SGCZ: variants seen among roughly 807,000 people sequenced by gnomAD.
SGCZ encodes the protein sarcoglycan zeta.
A neutral mutation model predicts 41.3 loss-of-function variants in SGCZ; 40 were observed. The ratio of observed to expected loss-of-function variants is 0.97; its 90% CI spans 0.75 to 1.26. SGCZ has a LOEUF of 1.26. SGCZ is among the 50% of genes most tolerant of loss of function. The pLI is 0.00. For synonymous variants in SGCZ, 206 were observed against 137.5 expected (o/e 1.50, Z -3.49); for missense variants, 552 against 369.8 (o/e 1.49, Z -4.04).
At chr8:14,619,599 G>T (rs548861375) in intron 1 of SGCZ, among the ~76,000 whole-genome samples, 82 of 152,150 alleles carry the variant, frequency 5.4e-4, no homozygotes, top group African/African-American at 1.9e-3. Context: ...AAAGTCTCAG[G>T]ATACAAAATC....
At chr8:15,179,195 A>AATAATTTATTAT (rs1387128557) in intron 1 of SGCZ, among the ~76,000 whole-genome samples, 13 of 152,226 alleles carry the variant, frequency 8.5e-5, no homozygotes, top group Non-Finnish European at 1.5e-5. Context: ...ATTCTTATTA[A>AATAATTTATTAT]TTGATGAAGA....
At chr8:14,899,867 A>AGAAGAAGAAGAAGAAGAAGAG (rs754251454) in intron 1 of SGCZ, among the ~76,000 whole-genome samples, 220 of 151,796 alleles carry the variant, frequency 1.4e-3, no homozygotes, top group African/African-American at 5.1e-3. Context: ...AAGAAGAAGA[A>AGAAGAAGAAGAAGAAGAAGAG]GAGGAGGAGG....
intron 1 of SGCZ, among the ~76,000 whole-genome samples, chr8:14,599,751 T>C (rs1279363950): frequency 1.3e-5 from 2 of 152,208 alleles, no homozygotes; most frequent in Non-Finnish European, 2.9e-5. Context: ...TTACTAAAGC[T>C]CTGACATTAG....
chr8:14,172,016 G>A (rs1804398053), intron 4 of SGCZ, among the ~76,000 whole-genome samples: 1 of 152,122 alleles, frequency 6.6e-6, no homozygotes, highest in Admixed American at 6.6e-5. Flanking sequence ...TATATGGAAT[G>A]CTTAGAATTG....
At chr8:15,098,955 G>A (rs1220659445) in intron 1 of SGCZ, among the ~76,000 whole-genome samples, 3 of 152,298 alleles carry the variant, frequency 2.0e-5, no homozygotes, top group East Asian at 1.9e-4. Context: ...CTACTCCGGA[G>A]GCTAAGGCAG....
chr8:14,999,001 A>G (rs1279727761), intron 1 of SGCZ, among the ~76,000 whole-genome samples: 1 of 152,224 alleles, frequency 6.6e-6, no homozygotes, highest in Non-Finnish European at 1.5e-5. Context: ...TGGATTTAAT[A>G]TCTAGTGAAT....
intron 1 of SGCZ, among the ~76,000 whole-genome samples, chr8:14,659,860 G>A (rs1196426278): frequency 1.3e-5 from 2 of 152,150 alleles, no homozygotes; most frequent in African/African-American, 4.8e-5. Context: ...AGATCATACA[G>A]GAGTACCTAT....
chr8:14,843,287 T>G (rs183010519), intron 1 of SGCZ, among the ~76,000 whole-genome samples: 1 of 151,740 alleles, frequency 6.6e-6, no homozygotes, highest in Non-Finnish European at 1.5e-5. Context: ...AGTTAAGTCT[T>G]TTTTTTTAAT....
chr8:14,624,094 A>G (rs2117377867), intron 1 of SGCZ, among the ~76,000 whole-genome samples: 1 of 152,292 alleles, frequency 6.6e-6, no homozygotes, highest in African/African-American at 2.4e-5. Context: ...ATGTGCCGCA[A>G]TACTATTTGC....
At chr8:14,298,381 T>A in intron 3 of SGCZ, among the ~76,000 whole-genome samples, 1 of 151,920 alleles carries the variant, frequency 6.6e-6, no homozygotes, top group East Asian at 1.9e-4. Flanking sequence ...ATAAAATACA[T>A]AATACTAAGA....
intron 1 of SGCZ, among the ~76,000 whole-genome samples, chr8:14,689,838 T>C (rs1026919514): frequency 5.3e-5 from 8 of 152,162 alleles, no homozygotes; most frequent in East Asian, 1.9e-4. Flanking sequence ...CTTTGTTAGA[T>C]TGAGCAAAGT....
At chr8:14,964,012 T>C (rs1801051606) in intron 1 of SGCZ, among the ~76,000 whole-genome samples, 1 of 152,186 alleles carries the variant, frequency 6.6e-6, no homozygotes, top group African/African-American at 2.4e-5. Context: ...AAAACCCTTC[T>C]CCTTTAAATC....
At position 14,087,974 on chromosome 8, in the gene SGCZ, A is replaced by G. The variant is rs990917248; in HGVS notation, c.*2469T>C. ...TACAGTCTAAAGCTCTCAAGCTTGT[A>G]AGTTACTTTTGAATTATGTCTATAC... is the stretch of plus-strand genomic sequence containing the variant. On this transcript the variant is annotated 3_prime_UTR_variant, in exon 8 of 8. Coordinates refer to ENST00000382080, the MANE Select transcript of SGCZ (RefSeq NM_139167.4). 3.3e-5 allele frequency among the ~76,000 whole-genome samples: 5 copies of G among 151,820 alleles called. No homozygotes were observed. The highest frequency in any genetic ancestry group is 9.7e-5 in the African/African-American group (4 of 41,394).
At chr8:15,192,505 T>C (rs375421993) in intron 1 of SGCZ, among the ~76,000 whole-genome samples, 1 of 152,136 alleles carries the variant, frequency 6.6e-6, no homozygotes, top group East Asian at 1.9e-4. Flanking sequence ...TGAGCATCAG[T>C]TGAAAATACT....
intron 2 of SGCZ, among the ~76,000 whole-genome samples, chr8:14,358,366 A>T (rs1349872358): frequency 6.6e-6 from 1 of 152,164 alleles, no homozygotes; most frequent in African/African-American, 2.4e-5. Flanking sequence ...GATACAACCT[A>T]TGTCATCATT....
At chr8:15,126,941 G>T (rs564154790) in intron 1 of SGCZ, among the ~76,000 whole-genome samples, 2 of 152,128 alleles carry the variant, frequency 1.3e-5, no homozygotes, top group African/African-American at 4.8e-5. Flanking sequence ...CTGTGCTCAT[G>T]GTCTAAAGAG....
At chr8:14,492,620 C>T (rs1171480822) in intron 2 of SGCZ, among the ~76,000 whole-genome samples, 1 of 152,152 alleles carries the variant, frequency 6.6e-6, no homozygotes, top group Admixed American at 6.5e-5. Flanking sequence ...TCAAATTTCT[C>T]ACTAACTTTT....
At chr8:14,860,617 C>T (rs557378561) in intron 1 of SGCZ, among the ~76,000 whole-genome samples, 2 of 127,760 alleles carry the variant, frequency 1.6e-5, no homozygotes, top group South Asian at 5.2e-4. Context: ...AAAGACAAGA[C>T]AGAGAAAAAG....
chr8:14,997,604 T>C (rs1419252332), intron 1 of SGCZ, among the ~76,000 whole-genome samples: 2 of 152,228 alleles, frequency 1.3e-5, no homozygotes, highest in African/African-American at 4.8e-5. Context: ...GAACATTAGC[T>C]TTTCATGATT....
Sources: allele counts gnomAD v4.1 joint callset (sites outside exome capture counted in the v4.1 genomes callset), GRCh38; gene constraint gnomAD v4.1.1; transcripts MANE v1.5; gene names NCBI Gene and HGNC (gene_info 2026-07-23, HGNC 2026-07-21).